DOCK8: variants seen among roughly 807,000 people sequenced by gnomAD.
DOCK8 encodes the protein dedicator of cytokinesis 8.
In DOCK8, 141 loss-of-function variants were observed where a neutral mutation model predicts 245.6. The observed-to-expected ratio is 0.57, with a 90% CI of 0.50 to 0.66. The LOEUF (loss-of-function observed/expected upper bound fraction) is 0.66. DOCK8 is among the 30% of genes least tolerant of loss of function. The pLI, the probability that DOCK8 is intolerant of heterozygous loss-of-function variation, is 0.00. For missense variants in DOCK8, 2,965 were observed against 2,603.4 expected (o/e 1.14, Z -3.02); for synonymous variants, 1,168 against 970.2 (o/e 1.20, Z -3.79).
At chr9:350,742 T>C (rs57294454) in intron 14 of DOCK8, among the ~76,000 whole-genome samples, 3,828 of 152,272 alleles carry the variant, frequency 0.025, 167 homozygotes, top group African/African-American at 0.087. Context: ...ATTTTGAAAC[T>C]AATATAATTT....
In DOCK8 at chr9:317,182, A is replaced by T. The variant is rs76129972; in HGVS notation, c.827+54A>T. On this transcript the variant is annotated intron_variant, in intron 7 of 47. Transcript: ENST00000432829. ...CTTTGAGATTTATCTTGCCTTTTAC[A>T]TACAAATGTTGTGTTTATTATCAGA... 3.4e-4 allele frequency: 468 copies of T among 1,362,278 alleles called. 2 individuals are homozygous for T. In the East Asian group the frequency reaches 9.7e-3, roughly 28 times the overall value. The allele number at this position is 1,362,278 out of a possible 1,614,324, so 84.4% of individuals were successfully genotyped here. A position where few individuals can be genotyped will look rare whatever the true frequency, so the allele number is the denominator to read the frequency against.
chr9:454,573 A>G (rs1274860779), intron 46 of DOCK8: 1 of 152,194 alleles, frequency 6.6e-6, no homozygotes, highest in East Asian at 1.9e-4. Context: ...GGTTCCTCTA[A>G]GTCCAGCTGG....
At chr9:427,829 C>A (rs1030170728) in intron 34 of DOCK8, among the ~76,000 whole-genome samples, 4 of 152,154 alleles carry the variant, frequency 2.6e-5, no homozygotes, top group African/African-American at 9.7e-5. Flanking sequence ...ATCACATTTA[C>A]CTTATCTTTA....
At chr9:232,212 A>G (rs1728724207) in intron 1 of DOCK8, among the ~76,000 whole-genome samples, 1 of 152,148 alleles carries the variant, frequency 6.6e-6, no homozygotes, top group Non-Finnish European at 1.5e-5. Context: ...TGATTTGTGT[A>G]TGTTGAACCA....
Position 441,157 on chromosome 9 carries a change from C to T in DOCK8, c.5224-129C>T, listed in dbSNP as rs1262156258. 2.9e-6 allele frequency: 4 copies of T among 1,387,044 alleles called. No homozygotes were observed. In the East Asian group the frequency reaches 9.2e-5, roughly 32 times the overall value. 85.9% of individuals were successfully genotyped at this position (1,387,044 alleles called of 1,614,324 possible). On this transcript the variant is annotated intron_variant, in intron 40 of 47. Transcript: ENST00000432829. ...AAAAGTGCTCAGATACCCCTTCTTG[C>T]CCTGTGAAATACTGTGATACAACAA...
intron 42 of DOCK8, among the ~76,000 whole-genome samples, chr9:442,220 C>G (rs968694705): frequency 2.6e-4 from 40 of 152,192 alleles, no homozygotes; most frequent in Admixed American, 2.6e-3. Context: ...TTCCCTAATA[C>G]TCTGTGTATG....
chr9:297,657 G>A (rs2049321863), intron 4 of DOCK8, among the ~76,000 whole-genome samples: 2 of 152,128 alleles, frequency 1.3e-5, no homozygotes, highest in African/African-American at 4.8e-5. Context: ...CCTACCCAGT[G>A]ATGGTTCCTT....
At chr9:435,466 A>C (rs909912324) in intron 39 of DOCK8, among the ~76,000 whole-genome samples, 6 of 152,120 alleles carry the variant, frequency 3.9e-5, no homozygotes, top group Non-Finnish European at 7.3e-5. Flanking sequence ...CAAGTTTTCT[A>C]AGGTCACTTA....
upstream of DOCK8, chr9:214,398 CATATTGCTTGCAAAAGTTG>C: frequency 1.1e-6 from 1 of 930,504 alleles, no homozygotes; most frequent in South Asian, 1.6e-5. Context: ...GGATGATGGG[CATATTGCTTGCAAAAGTTG>C]ATTTGAATCC....
intron 4 of DOCK8, among the ~76,000 whole-genome samples, chr9:303,398 A>C (rs1328051980): frequency 6.6e-6 from 1 of 152,248 alleles, no homozygotes; most frequent in Non-Finnish European, 1.5e-5. Context: ...ATGCCCATCG[A>C]CAGTGGACTA....
At chr9:300,315 A>T (rs1246098956) in intron 4 of DOCK8, among the ~76,000 whole-genome samples, 1 of 152,034 alleles carries the variant, frequency 6.6e-6, no homozygotes, top group East Asian at 1.9e-4. Context: ...TACATTTCTT[A>T]CTTTATCTAT....
chr9:251,201 T>C (rs952761300), intron 1 of DOCK8, among the ~76,000 whole-genome samples: 1 of 152,208 alleles, frequency 6.6e-6, no homozygotes, highest in Non-Finnish European at 1.5e-5. Flanking sequence ...GATTTTGGAC[T>C]TCACAGGGCT....
Position 368,076 on chromosome 9 carries a change from C to A in DOCK8, c.1738C>A (p.Arg580=). ...CTTTGTAAACAAACTAGCATCAGCC[C>A]GGAACATTACAATAAAGATCCAGTT... The part of the protein sequence containing the change: ...LNFVNKLASA[R]NITIKIQFMC... The change falls in exon 15 of 48, where the codon CGG becomes AGG. Residue 580 remains arginine (R), a synonymous_variant. Transcript: ENST00000432829. 1 of 1,614,118 alleles carries A rather than the reference C, an allele frequency of 6.2e-7. No individual in the cohort carries two copies.
chr9:348,879 C>G (rs1264019342), intron 14 of DOCK8, among the ~76,000 whole-genome samples: 2 of 152,146 alleles, frequency 1.3e-5, no homozygotes, highest in Admixed American at 6.5e-5. Context: ...TCCTCATGTG[C>G]TTTACAGATG....
At chr9:267,211 T>C (rs938268773) in intron 1 of DOCK8, among the ~76,000 whole-genome samples, 4 of 152,244 alleles carry the variant, frequency 2.6e-5, no homozygotes, top group Admixed American at 6.5e-5. Flanking sequence ...TGTTTGTTTT[T>C]GTTTTTGTTT....
At chr9:407,212 A>C (rs2055473345) in intron 28 of DOCK8, 143 bp downstream of exon 28, 1 of 1,309,118 alleles carries the variant, frequency 7.6e-7, no homozygotes, top group Admixed American at 2.0e-5. Context: ...CTGTCTTGAG[A>C]ATATGGTACC....
chr9:420,980 A>G lies in DOCK8; in HGVS notation c.4055A>G (p.Gln1352Arg). 1.2e-6 allele frequency: 2 copies of G among 1,614,194 alleles called. No individual in the cohort carries two copies. Among genetic ancestry groups the G allele is most frequent in the Non-Finnish European group, 1.7e-6 (2 of 1,180,028 alleles). Residue 1352 changes from glutamine to arginine, a missense_variant, in exon 32 of 48, where the codon CAA becomes CGA. Gln to Arg is a conservative substitution (Grantham distance 43). This residue lies in a region of DOCK8 where 2,825 missense variants were observed against 2,453.5 expected (regional missense o/e 1.15). Coordinates refer to ENST00000432829, the MANE Select transcript of DOCK8 (RefSeq NM_203447.4). ...GKQSSDKVST[Q>R]VLQKSRDVKA... Reference sequence around the variant, plus strand: ...CAGAGTTCTGACAAAGTCAGTACCCAAGTCCTGCAGAAGTCAAGGGATGTC... The same window carrying G: ...CAGAGTTCTGACAAAGTCAGTACCCGAGTCCTGCAGAAGTCAAGGGATGTC...
chr9:234,907 A>C (rs546727), intron 1 of DOCK8, among the ~76,000 whole-genome samples: 37,435 of 152,076 alleles, frequency 0.25, 5,204 homozygotes, highest in East Asian at 0.36. Flanking sequence ...CATCAAAGTC[A>C]TTCTCCATCC....
At chr9:232,195 C>T (rs1346706617) in intron 1 of DOCK8, among the ~76,000 whole-genome samples, 2 of 152,088 alleles carry the variant, frequency 1.3e-5, no homozygotes, top group Non-Finnish European at 2.9e-5. Flanking sequence ...TGCTGGATTA[C>T]ATTTATTGAT....
Sources: gnomAD v4.1 joint callset for allele counts (sites outside exome capture counted in the v4.1 genomes callset) on GRCh38, gnomAD v4.1.1 for gene constraint, gnomAD v4.1.1 regional missense constraint, MANE v1.5 for transcripts, NCBI Gene and HGNC (gene_info 2026-07-23, HGNC 2026-07-21) for gene names.